FOCAD: variants seen among roughly 807,000 people sequenced by gnomAD.
FOCAD encodes the protein focadhesin.
A neutral mutation model predicts 225.6 loss-of-function variants in FOCAD; 198 were observed. That is an observed-to-expected ratio of 0.88 (90% CI 0.78 to 0.99). The LOEUF is 0.99. Ranked by LOEUF, FOCAD falls within the 50% of genes least tolerant of loss-of-function variation. FOCAD has a pLI of 0.00. For missense variants in FOCAD, 2,713 were observed against 2,123.6 expected (o/e 1.28, Z -5.46); for synonymous variants, 897 against 755.0 (o/e 1.19, Z -3.08).
chr9:20,703,514 A>G (rs938594373), intron 1 of FOCAD, among the ~76,000 whole-genome samples: 12 of 152,090 alleles, frequency 7.9e-5, no homozygotes, highest in African/African-American at 2.9e-4. Flanking sequence ...GCTATTGTGA[A>G]TAGTGCTGCA....
In FOCAD at chr9:20,659,440, A is replaced by AAGAAAGAAAGACAGAC. The variant is rs71334544; in HGVS notation, c.-78+617_-78+618insAAGAAAGACAGACAGA. ...GAAAGAAAGGAGAAAGAAAGAAAGAAAGACAGACAGACAGAAAGAAAAAGA... is the reference window on the plus strand; with the variant it reads ...GAAAGAAAGGAGAAAGAAAGAAAGAAAGAAAGAAAGACAGACAGACAGACAGACAGAAAGAAAAAGA... On this transcript the variant is annotated intron_variant, in intron 2 of 45. Coordinates refer to the FOCAD transcript ENST00000380249. Among the ~76,000 whole-genome samples, 12 of 145,190 alleles carry AAGAAAGAAAGACAGAC rather than the reference A, an allele frequency of 8.3e-5. 1 individual carries two copies. Among genetic ancestry groups the AAGAAAGAAAGACAGAC allele is most frequent in the Admixed American group, 4.8e-4 (7 of 14,524 alleles).
intron 18 of FOCAD, among the ~76,000 whole-genome samples, chr9:20,871,939 A>G (rs1829818689): frequency 1.3e-5 from 2 of 151,570 alleles, no homozygotes; most frequent in East Asian, 1.9e-4. Flanking sequence ...AATTAAAAAA[A>G]AAAGAAGTGA....
At chr9:20,866,816 A>T (rs1217258116) in intron 17 of FOCAD, 113 bp from the exon 18 acceptor site, 4 of 611,782 alleles carry the variant, frequency 6.5e-6, no homozygotes, top group Non-Finnish European at 1.1e-5. Flanking sequence ...GAACTTTGGG[A>T]TTGGTGAGGG....
At chr9:20,951,181 C>A in intron 34 of FOCAD, 83 bp downstream of exon 34, 2 of 1,007,964 alleles carry the variant, frequency 2.0e-6, no homozygotes, top group Non-Finnish European at 3.1e-6. Context: ...GAGCATTAAT[C>A]TTCACAACAA....
chr9:20,896,142 C>T (rs888263211), intron 21 of FOCAD, among the ~76,000 whole-genome samples: 1 of 151,562 alleles, frequency 6.6e-6, no homozygotes. Flanking sequence ...TCTTCTTTAC[C>T]CTGTTGATAT....
chr9:20,757,677 G>A (rs1471756396), intron 5 of FOCAD, among the ~76,000 whole-genome samples: 1 of 152,190 alleles, frequency 6.6e-6, no homozygotes, highest in African/African-American at 2.4e-5. Flanking sequence ...TAAGGTTGGA[G>A]GAAATGGAAC....
intron 15 of FOCAD, among the ~76,000 whole-genome samples, chr9:20,852,713 G>C (rs1424595317): frequency 4.0e-5 from 6 of 151,658 alleles, no homozygotes. Context: ...ACAGCATATT[G>C]ATTCTTAAAT....
At chr9:20,656,347 T>G (rs899242676), upstream of FOCAD, among the ~76,000 whole-genome samples, 3 of 151,866 alleles carry the variant, frequency 2.0e-5, no homozygotes, top group Non-Finnish European at 2.9e-5. Flanking sequence ...ACTTTCTGTC[T>G]CGTTGATCTG....
chr9:20,697,279 C>G (rs1011906502), intron 1 of FOCAD, among the ~76,000 whole-genome samples: 1 of 151,958 alleles, frequency 6.6e-6, no homozygotes, highest in Non-Finnish European at 1.5e-5. Flanking sequence ...TTTTTCTATC[C>G]TTGCCCTCTT....
At chr9:20,714,944 T>G (rs987525020) in intron 1 of FOCAD, among the ~76,000 whole-genome samples, 9 of 152,182 alleles carry the variant, frequency 5.9e-5, no homozygotes, top group African/African-American at 2.2e-4. Flanking sequence ...GAGGCATAGA[T>G]GAAGTAATTT....
At chr9:20,708,531 G>T (rs1055559481) in intron 1 of FOCAD, among the ~76,000 whole-genome samples, 2 of 152,154 alleles carry the variant, frequency 1.3e-5, no homozygotes, top group African/African-American at 4.8e-5. Flanking sequence ...TGCTTTGGGA[G>T]GCTGAGGGTG....
At chr9:20,699,779 T>A (rs1191849226) in intron 1 of FOCAD, among the ~76,000 whole-genome samples, 11 of 54,826 alleles carry the variant, frequency 2.0e-4, no homozygotes, top group Non-Finnish European at 3.6e-4. Flanking sequence ...AAAAAATATA[T>A]ATATATATAT....
intron 19 of FOCAD, among the ~76,000 whole-genome samples, chr9:20,880,651 A>G (rs975869117): frequency 1.3e-5 from 2 of 152,178 alleles, no homozygotes; most frequent in Non-Finnish European, 2.9e-5. Flanking sequence ...GATTGCATCT[A>G]GGAGGGTCCT....
Position 20,789,585 on chromosome 9 carries a change from T to G in FOCAD, c.1432T>G (p.Leu478Val). ...LHQILKVTTELAQADSSQVPN... is the reference protein window; with the variant it reads ...LHQILKVTTEVAQADSSQVPN... Reference sequence around the variant, plus strand: ...CCAAATACTCAAGGTCACTACAGAATTAGCCCAAGCAGATTCCTCCCAGGT... The same window carrying G: ...CCAAATACTCAAGGTCACTACAGAAGTAGCCCAAGCAGATTCCTCCCAGGT... The change falls in exon 11 of 44, where the codon TTA becomes GTA. Residue 478 changes from leucine (L) to valine (V), a missense_variant. By Grantham distance (32) the Leu-to-Val change is conservative. Transcript: ENST00000338382. The G allele has an allele frequency of 1.2e-6, 2 of 1,613,934 alleles. No individual in the cohort carries two copies. The highest frequency in any genetic ancestry group is 1.7e-6 in the Non-Finnish European group (2 of 1,179,946).
intron 2 of FOCAD, among the ~76,000 whole-genome samples, chr9:20,676,563 T>C (rs545993743): frequency 2.6e-5 from 4 of 152,346 alleles, no homozygotes; most frequent in South Asian, 4.1e-4. Flanking sequence ...TCACAAGTAA[T>C]GTCAACCTGC....
chr9:20,752,636 A>T (rs1207895057), intron 5 of FOCAD, among the ~76,000 whole-genome samples: 1 of 151,974 alleles, frequency 6.6e-6, no homozygotes, highest in Non-Finnish European at 1.5e-5. Flanking sequence ...TGACTCGGCG[A>T]TGCGGGCTCT....
At chr9:20,991,638 C>A (rs1026519356) in intron 42 of FOCAD, among the ~76,000 whole-genome samples, 1 of 151,970 alleles carries the variant, frequency 6.6e-6, no homozygotes, top group Admixed American at 6.6e-5. Flanking sequence ...CATGATGAAA[C>A]CCTGTCTCTA....
intron 15 of FOCAD, among the ~76,000 whole-genome samples, chr9:20,841,324 T>C (rs1826502489): frequency 6.6e-6 from 1 of 151,988 alleles, no homozygotes; most frequent in South Asian, 2.1e-4. Context: ...TATAAATGTT[T>C]AGTTCTTCTA....
At position 20,865,128 on chromosome 9, in the gene FOCAD, T is replaced by C. The variant is rs1380179472; in HGVS notation, c.2056-798T>C. Among the ~76,000 whole-genome samples the C allele has an allele frequency of 2.6e-5, 4 of 152,064 alleles. No homozygotes were observed. In the South Asian group the frequency reaches 6.2e-4, roughly 24 times the overall value. ...CTCAAAGGTAGGTAAAGGAGATAGA[T>C]GTGAGTGATGATAATTATAGTAACA... On this transcript the variant is annotated intron_variant, in intron 16 of 43. Transcript: ENST00000338382.
Sources: allele counts gnomAD v4.1 joint callset (sites outside exome capture counted in the v4.1 genomes callset), GRCh38; gene constraint gnomAD v4.1.1; transcripts MANE v1.5; gene names NCBI Gene and HGNC (gene_info 2026-07-23, HGNC 2026-07-21).